The following FHIT variants were observed in gnomAD, a reference collection of about 807,000 sequenced individuals.
FHIT encodes the protein bis(5'-adenosyl)-triphosphatase.
A neutral mutation model predicts 17.9 loss-of-function variants in FHIT; 19 were observed. The observed-to-expected ratio is 1.06, with a 90% CI of 0.74 to 1.56. The LOEUF (loss-of-function observed/expected upper bound fraction) is 1.56, where lower values mean the gene tolerates loss of function less well. FHIT is among the 40% of genes most tolerant of loss of function. The pLI, the probability that FHIT is intolerant of heterozygous loss-of-function variation, is 0.00. For missense variants in FHIT, 248 were observed against 189.2 expected, an observed-to-expected ratio of 1.31 and a Z score of -1.82; for synonymous variants, 81 against 69.7, an observed-to-expected ratio of 1.16 and a Z score of -0.81.
intron 5 of FHIT, among the ~76,000 whole-genome samples, chr3:60,448,803 A>T (rs2107359394): frequency 6.6e-6 from 1 of 152,208 alleles, no homozygotes; most frequent in South Asian, 2.1e-4. Context: ...CTTCCCTACT[A>T]CATCTCACTA....
In FHIT at chr3:60,155,780, G is replaced by A. The variant is rs1011157023; in HGVS notation, c.104-141628C>T. 5.9e-5 allele frequency among the ~76,000 whole-genome samples: 9 copies of A among 152,000 alleles called. No homozygotes were observed. In the South Asian group the frequency reaches 1.2e-3, roughly 21 times the overall value. On this transcript the variant is annotated intron_variant, in intron 5 of 9. Coordinates refer to ENST00000492590, the MANE Select transcript of FHIT (RefSeq NM_002012.4). The stretch of plus-strand genomic sequence containing the variant: ...TGCTGTTTGTGATTTGTGGAGAATC[G>A]CAGAAGTGAAAAGTAACAAACACAT...
chr3:60,260,220 T>C (rs767671744), intron 5 of FHIT, among the ~76,000 whole-genome samples: 2 of 151,440 alleles, frequency 1.3e-5, no homozygotes, highest in Non-Finnish European at 3.0e-5. Flanking sequence ...GTGTAGGAGG[T>C]TGGTTCACAC....
Position 59,792,872 on chromosome 3 carries a change from T to TGGG in FHIT, c.349-40554_349-40552dup, listed in dbSNP as rs139940738. Among the ~76,000 whole-genome samples the TGGG allele has an allele frequency of 1.8e-3, 244 of 134,740 alleles. 1 individual carries two copies. The highest frequency in any genetic ancestry group is 6.1e-3 in the African/African-American group (207 of 33,948). 88.4% of individuals were successfully genotyped at this position (134,740 alleles called of 152,430 possible). ...CTTTAGTTTGGAGGTCCTTATTTTT[T>TGGG]GGGGGGGGGGGTCATGAACCTCCTT... On this transcript the variant is annotated intron_variant, in intron 8 of 9. Coordinates refer to ENST00000492590, the MANE Select transcript of FHIT (RefSeq NM_002012.4).
At chr3:60,836,812 T>C (rs1357300748) in intron 3 of FHIT, among the ~76,000 whole-genome samples, 3 of 152,126 alleles carry the variant, frequency 2.0e-5, no homozygotes, top group African/African-American at 2.4e-5. Flanking sequence ...AGGGAAAACT[T>C]GATAAGGAAG....
intron 7 of FHIT, among the ~76,000 whole-genome samples, chr3:59,972,763 C>G (rs1453790103): frequency 6.6e-6 from 1 of 152,108 alleles, no homozygotes; most frequent in Admixed American, 6.6e-5. Flanking sequence ...TTATTCAGTA[C>G]AGGTCTCAGT....
chr3:60,804,593 T>C (rs1014090166), intron 4 of FHIT, among the ~76,000 whole-genome samples: 43 of 152,238 alleles, frequency 2.8e-4, no homozygotes, highest in African/African-American at 1.0e-3. Flanking sequence ...CATAGGACAA[T>C]GCCTGACATA....
chr3:60,186,829 C>T (rs1702179587), intron 5 of FHIT, among the ~76,000 whole-genome samples: 1 of 149,136 alleles, frequency 6.7e-6, no homozygotes, highest in African/African-American at 2.5e-5. Flanking sequence ...TTTTTTTTAA[C>T]AAATACCACC....
chr3:60,243,004 A>C (rs1705212476), intron 5 of FHIT, among the ~76,000 whole-genome samples: 1 of 151,882 alleles, frequency 6.6e-6, no homozygotes, highest in Non-Finnish European at 1.5e-5. Context: ...AGTGAACCAC[A>C]ATGGCCTTGA....
intron 4 of FHIT, among the ~76,000 whole-genome samples, chr3:60,640,627 A>G (rs545617601): frequency 8.2e-4 from 125 of 151,962 alleles, no homozygotes; most frequent in African/African-American, 2.9e-3. Context: ...GAGAGAAATT[A>G]AAGAAAATCC....
intron 5 of FHIT, among the ~76,000 whole-genome samples, chr3:60,057,696 A>G (rs531549137): frequency 9.0e-4 from 137 of 151,950 alleles, no homozygotes; most frequent in African/African-American, 3.0e-3. Flanking sequence ...GCCTCTCGAA[A>G]AAAAAAAAAA....
At chr3:60,215,096 T>C (rs1044539343) in intron 5 of FHIT, among the ~76,000 whole-genome samples, 1 of 152,006 alleles carries the variant, frequency 6.6e-6, no homozygotes, top group African/African-American at 2.4e-5. Flanking sequence ...GACAGGATCA[T>C]TCATCCACCA....
intron 3 of FHIT, among the ~76,000 whole-genome samples, chr3:61,019,515 A>T (rs60643401): frequency 0.079 from 12,040 of 152,314 alleles, 516 homozygotes; most frequent in East Asian, 0.18. Flanking sequence ...GAAGTCTAAT[A>T]GATTGCCATA....
rs1324641044 is a variant in FHIT, at chr3:60,895,651, C to CTCCTTCCTTCCTTCCT, written c.-110-73656_-110-73641dup. Among the ~76,000 whole-genome samples, 50 of 136,074 alleles carry CTCCTTCCTTCCTTCCT rather than the reference C, an allele frequency of 3.7e-4. 1 individual carries two copies. Among genetic ancestry groups the CTCCTTCCTTCCTTCCT allele is most frequent in the African/African-American group, 1.5e-3 (48 of 32,226 alleles). The allele number at this position is 136,074 out of a possible 152,430, so 89.3% of individuals were successfully genotyped here. On this transcript the variant is annotated intron_variant, in intron 3 of 9. Coordinates refer to ENST00000492590, the MANE Select transcript of FHIT (RefSeq NM_002012.4). The stretch of plus-strand genomic sequence containing the variant: ...TTTCTCCCTTCTTTCCTTCCTTTCC[C>CTCCTTCCTTCCTTCCT]TCCTTCCTTCCTTCCTTTCTTTCTT...
At chr3:60,642,394 A>G (rs1553685537) in intron 4 of FHIT, among the ~76,000 whole-genome samples, 1 of 152,214 alleles carries the variant, frequency 6.6e-6, no homozygotes, top group African/African-American at 2.4e-5. Flanking sequence ...AGGGTTGCAG[A>G]TCCTTAATTT....
chr3:60,410,072 T>G (rs1021451237), intron 5 of FHIT, among the ~76,000 whole-genome samples: 3 of 152,114 alleles, frequency 2.0e-5, no homozygotes, highest in African/African-American at 7.2e-5. Context: ...ACAGGATAAT[T>G]CAGAATACTA....
At chr3:61,130,112 A>G (rs2036721548) in intron 2 of FHIT, among the ~76,000 whole-genome samples, 1 of 152,174 alleles carries the variant, frequency 6.6e-6, no homozygotes, top group African/African-American at 2.4e-5. Context: ...ACCAGAGTCT[A>G]GTAAGAGAGA....
intron 8 of FHIT, among the ~76,000 whole-genome samples, chr3:59,837,180 T>A (rs1701367585): frequency 6.6e-6 from 1 of 152,166 alleles, no homozygotes; most frequent in Non-Finnish European, 1.5e-5. Flanking sequence ...AGAAGCCTGA[T>A]TAATTTTAAG....
At chr3:59,993,698 G>A (rs1228443731) in intron 7 of FHIT, among the ~76,000 whole-genome samples, 2 of 151,814 alleles carry the variant, frequency 1.3e-5, no homozygotes. Context: ...GCCTGTGGGA[G>A]CTGATTTCAC....
chr3:60,792,304 G>C (rs575824488), intron 4 of FHIT, among the ~76,000 whole-genome samples: 6 of 152,216 alleles, frequency 3.9e-5, no homozygotes, highest in African/African-American at 1.4e-4. Flanking sequence ...AAATTACCCT[G>C]TTGGTGGGTG....
Sources: gnomAD v4.1 joint callset for allele counts (sites outside exome capture counted in the v4.1 genomes callset) on GRCh38, gnomAD v4.1.1 for gene constraint, MANE v1.5 for transcripts, NCBI Gene and HGNC (gene_info 2026-07-23, HGNC 2026-07-21) for gene names.